The following MMP28 variants were observed in gnomAD, a reference collection of about 807,000 sequenced individuals.
The protein encoded by MMP28 is matrix metalloproteinase-28.
A neutral mutation model predicts 60.5 loss-of-function variants in MMP28; 55 were observed. The ratio of observed to expected loss-of-function variants is 0.91; its 90% CI spans 0.73 to 1.14. MMP28 has a LOEUF of 1.14. Ranked by LOEUF, MMP28 falls within the 50% of genes most tolerant of loss-of-function variation. MMP28 has a pLI of 0.00. For missense variants in MMP28, 686 were observed against 738.3 expected (o/e 0.93, Z 0.82); for synonymous variants, 318 against 312.5 (o/e 1.02, Z -0.18).
downstream of MMP28, among the ~76,000 whole-genome samples, chr17:35,763,815 T>C (rs2085872808): frequency 6.6e-6 from 1 of 151,774 alleles, no homozygotes; most frequent in African/African-American, 2.4e-5. Context: ...AAGAATCGCT[T>C]GAGCCCGTGA....
Position 35,767,670 on chromosome 17 carries a change from C to A in MMP28, c.1168+82G>T, listed in dbSNP as rs1018739565. On this transcript the variant is annotated intron_variant, in intron 7 of 7. Coordinates refer to ENST00000605424, the MANE Select transcript of MMP28 (RefSeq NM_024302.5). The stretch of plus-strand genomic sequence containing the variant: ...CCATGGACTCGTGTGAGAGTCTTCC[C>A]CTCTTTTGTCCTCTTTTGACCTTGG... 8 of 1,484,474 alleles carry A rather than the reference C, an allele frequency of 5.4e-6. No homozygotes were observed. In the African/African-American group the frequency reaches 1.1e-4, roughly 21 times the overall value. 92.0% of individuals were successfully genotyped at this position (1,484,474 alleles called of 1,614,324 possible).
chr17:35,766,996 C>A lies in MMP28; in HGVS notation c.1169-102G>T. The A allele has an allele frequency of 9.0e-7, 1 of 1,106,214 alleles. No individual in the cohort carries two copies. Among genetic ancestry groups the A allele is most frequent in the Non-Finnish European group, 1.3e-6 (1 of 753,568 alleles). 68.5% of individuals were successfully genotyped at this position (1,106,214 alleles called of 1,614,324 possible). A position where few individuals can be genotyped will look rare whatever the true frequency, so the allele number is the denominator to read the frequency against. ...ACCTCTGCTCTCCTTTAAGCTGGAG[C>A]CCACGATGGTTGGTATTCATATCAA... On this transcript the variant is annotated intron_variant, in intron 7 of 7. Coordinates refer to ENST00000605424, the MANE Select transcript of MMP28 (RefSeq NM_024302.5). The surrounding 1 kb of genome is among the most constrained non-coding windows in gnomAD (Gnocchi z 4.3).
rs139372078 is a variant in MMP28 at position 35,773,091 on chromosome 17, G to A, written c.604+89C>T. 449 of 1,203,974 alleles carry A rather than the reference G, an allele frequency of 3.7e-4. No homozygotes were observed. The Middle Eastern group carries it at 9.3e-3, about 25-fold the overall frequency. 74.6% of individuals were successfully genotyped at this position (1,203,974 alleles called of 1,614,324 possible). A position where few individuals can be genotyped will look rare whatever the true frequency, so the allele number is the denominator to read the frequency against. On this transcript the variant is annotated intron_variant, in intron 4 of 7. Coordinates refer to ENST00000605424, the MANE Select transcript of MMP28 (RefSeq NM_024302.5). ...GATGTGCCTCAGCCAAGGCCACAGG[G>A]AGGGTGAATGCTTCATTGCCACCCC...
In MMP28 at chr17:35,781,120, A is replaced by T. The variant is rs2086487428; in HGVS notation, c.112-1797T>A. 1.3e-5 allele frequency among the ~76,000 whole-genome samples: 2 copies of T among 152,238 alleles called. 1 individual carries two copies. The highest frequency in any genetic ancestry group is 4.1e-4 in the South Asian group (2 of 4,834). ...AGGAACAGAAGGAAGGCTGGAGCAC[A>T]GCAAGTGTGAAGAAACAGAGCGTGA... On this transcript the variant is annotated intron_variant, in intron 1 of 7. Coordinates refer to ENST00000605424, the MANE Select transcript of MMP28 (RefSeq NM_024302.5).
chr17:35,768,914 G>A (rs1163144276), intron 5 of MMP28, among the ~76,000 whole-genome samples: 1 of 152,226 alleles, frequency 6.6e-6, no homozygotes, highest in African/African-American at 2.4e-5. Flanking sequence ...AACCTCCTGA[G>A]ATAAAATTGG....
chr17:35,768,286 C>T lies in MMP28; in HGVS notation c.944G>A (p.Arg315His), dbSNP rs368500708. ...TWDSYSPQGR[R>H]PETQGPKYCH... ...GTATTTAGGGCCCTGCGTTTCAGGGCGCCTTCCTTGGGGGCTGTAGGAGTC... is the reference window on the plus strand; with the variant it reads ...GTATTTAGGGCCCTGCGTTTCAGGGTGCCTTCCTTGGGGGCTGTAGGAGTC... Residue 315 changes from arginine to histidine, a missense_variant, in exon 6 of 8, where the codon CGC becomes CAC. Transcript: ENST00000605424. 31 of 1,613,208 alleles carry T rather than the reference C, an allele frequency of 1.9e-5. No individual in the cohort carries two copies. In the African/African-American group the frequency reaches 2.4e-4, roughly 13 times the overall value.
intron 1 of MMP28, among the ~76,000 whole-genome samples, chr17:35,787,414 A>C (rs1256906888): frequency 6.6e-6 from 1 of 152,152 alleles, no homozygotes; most frequent in African/African-American, 2.4e-5. Flanking sequence ...TATTTTGGGT[A>C]AAGGCTTCCC....
downstream of MMP28, chr17:35,764,168 G>A (rs2085884563): frequency 1.3e-6 from 2 of 1,548,630 alleles, no homozygotes; most frequent in Non-Finnish European, 1.7e-6. Context: ...GGTAGCGGAG[G>A]AGGGCGAAGG....
intron 4 of MMP28, 49 bp downstream of exon 4, chr17:35,773,131 A>C: frequency 6.4e-7 from 1 of 1,565,898 alleles, no homozygotes; most frequent in South Asian, 1.2e-5. Context: ...CTGCTTCTCC[A>C]AGTTGGGTTC....
intron 1 of MMP28, among the ~76,000 whole-genome samples, chr17:35,793,077 A>G (rs1388132998): frequency 6.6e-6 from 1 of 152,214 alleles, no homozygotes; most frequent in African/African-American, 2.4e-5. Flanking sequence ...ATATATACAC[A>G]CACACGTGTG....
chr17:35,772,890 G>A (rs956606248), intron 4 of MMP28, among the ~76,000 whole-genome samples: 1 of 152,164 alleles, frequency 6.6e-6, no homozygotes, highest in Non-Finnish European at 1.5e-5. Context: ...TAGAGGCAGA[G>A]GATGGATGAT....
At chr17:35,786,034 A>G (rs1555610372) in intron 1 of MMP28, among the ~76,000 whole-genome samples, 1 of 149,994 alleles carries the variant, frequency 6.7e-6, no homozygotes, top group African/African-American at 2.4e-5. Context: ...TTGGTAGGTG[A>G]GCGTGTAGTA....
downstream of MMP28, chr17:35,764,343 G>C: frequency 3.4e-6 from 5 of 1,461,290 alleles, no homozygotes; most frequent in East Asian, 2.7e-5. Context: ...CGCGCTCCTC[G>C]ACCGGGGCAC....
At chr17:35,774,097 A>C (rs2086253542) in intron 3 of MMP28, among the ~76,000 whole-genome samples, 1 of 152,166 alleles carries the variant, frequency 6.6e-6, no homozygotes. Context: ...TGACTGAGAG[A>C]AAGTTTTCCA....
At chr17:35,763,897 A>AAAATT (rs2085875504), downstream of MMP28, 1 of 645,196 alleles carries the variant, frequency 1.5e-6, no homozygotes, top group African/African-American at 2.1e-5. Context: ...ACCCTGTCTC[A>AAAATT]AAATAAATAA....
chr17:35,771,199 G>A (rs374988538), intron 4 of MMP28, among the ~76,000 whole-genome samples: 28 of 152,270 alleles, frequency 1.8e-4, no homozygotes, highest in South Asian at 6.2e-4. Context: ...TTGGGAGGCC[G>A]AGGCGGGTGG....
At chr17:35,783,298 G>A (rs2086559614) in intron 1 of MMP28, among the ~76,000 whole-genome samples, 1 of 152,162 alleles carries the variant, frequency 6.6e-6, no homozygotes, top group South Asian at 2.1e-4. Flanking sequence ...CAATTGATCT[G>A]GTTGATTTAC....
chr17:35,762,268 G>A (rs1414932397), downstream of MMP28, among the ~76,000 whole-genome samples: 5 of 152,160 alleles, frequency 3.3e-5, no homozygotes, highest in Non-Finnish European at 7.3e-5. Context: ...GGGATTACAG[G>A]CATGAGCCAC....
Position 35,767,227 on chromosome 17 carries a change from T to C in MMP28, c.1169-333A>G, listed in dbSNP as rs1245591511. On this transcript the variant is annotated intron_variant, in intron 7 of 7. Transcript: ENST00000605424. ...CATTCACTGCTGTATCCCTAACATATCCAACCACGTCTAGTGCATACAAGG... is the reference window on the plus strand; with the variant it reads ...CATTCACTGCTGTATCCCTAACATACCCAACCACGTCTAGTGCATACAAGG... Among the ~76,000 whole-genome samples, 5 of 152,242 alleles carry C rather than the reference T, an allele frequency of 3.3e-5. No homozygotes were observed. The South Asian group carries it at 8.3e-4, about 25-fold the overall frequency.
Sources: gnomAD v4.1 joint callset for allele counts (sites outside exome capture counted in the v4.1 genomes callset) on GRCh38, gnomAD v4.1.1 for gene constraint, Gnocchi (gnomAD v3.1) non-coding constraint, MANE v1.5 for transcripts, NCBI Gene and HGNC (gene_info 2026-07-23, HGNC 2026-07-21) for gene names.